Variants in UBAC2 observed in about 807,000 individuals in gnomAD.
UBAC2 encodes ubiquitin-associated domain-containing protein 2.
Under a neutral mutation model 44.0 loss-of-function variants are expected in UBAC2, and 26 were observed. That is an observed-to-expected ratio of 0.59 (90% CI 0.43 to 0.82). UBAC2 has a LOEUF of 0.82. Among genes scored for constraint, UBAC2 ranks in the 40% least tolerant of loss-of-function variants. UBAC2 has a pLI of 0.00. For missense variants in UBAC2, 329 were observed against 419.4 expected (o/e 0.78, Z 1.88); for synonymous variants, 155 against 154.3 (o/e 1.00, Z -0.04).
intron 4 of UBAC2, chr13:99,254,638 C>T: frequency 2.5e-6 from 1 of 398,704 alleles, no homozygotes; most frequent in Non-Finnish European, 4.5e-6. Flanking sequence ...GTGTCGCTTG[C>T]ACATAGAAAT....
At chr13:99,304,729 GAA>G (rs138228577) in intron 4 of UBAC2, among the ~76,000 whole-genome samples, 2,181 of 152,312 alleles carry the variant, frequency 0.014, 50 homozygotes, top group African/African-American at 0.051. Flanking sequence ...GACAGAAGGT[GAA>G]ACGGAGGCAC....
chr13:99,336,034 G>C (rs2044784467), intron 6 of UBAC2, among the ~76,000 whole-genome samples: 2 of 151,888 alleles, frequency 1.3e-5, no homozygotes, highest in Non-Finnish European at 2.9e-5. Flanking sequence ...GGATGTTAGA[G>C]GAGCTTTACA....
chr13:99,326,976 G>C (rs1335540827), intron 6 of UBAC2, among the ~76,000 whole-genome samples: 1 of 152,162 alleles, frequency 6.6e-6, no homozygotes, highest in Non-Finnish European at 1.5e-5. Context: ...GCAGCCTTCT[G>C]TGTGCTGACC....
At chr13:99,379,615 A>G (rs2045524469) in intron 8 of UBAC2, among the ~76,000 whole-genome samples, 1 of 152,126 alleles carries the variant, frequency 6.6e-6, no homozygotes, top group South Asian at 2.1e-4. Context: ...CATGATCAGG[A>G]TCTTCATTTT....
chr13:99,291,680 A>G (rs2044090715), intron 4 of UBAC2, among the ~76,000 whole-genome samples: 1 of 152,158 alleles, frequency 6.6e-6, no homozygotes, highest in African/African-American at 2.4e-5. Context: ...AATGTGTCTA[A>G]TTTAAATTAC....
rs552127798 is a variant in UBAC2 at position 99,268,653 on chromosome 13, A to C, written c.389+24029A>C. Among the ~76,000 whole-genome samples, 4 of 151,700 alleles carry C rather than the reference A, an allele frequency of 2.6e-5. No homozygotes were observed. The East Asian group carries it at 7.7e-4, about 29-fold the overall frequency. On this transcript the variant is annotated intron_variant, in intron 4 of 8. Coordinates refer to ENST00000403766, the MANE Select transcript of UBAC2 (RefSeq NM_001144072.2). ...AAAAAAAGAAACACAAAAGGTAAAG[A>C]AGGTAAGAGAGAGAACATTAGGTCT... is the stretch of plus-strand genomic sequence containing the variant.
chr13:99,378,141 T>A (rs1365335709), intron 8 of UBAC2, among the ~76,000 whole-genome samples: 1 of 152,224 alleles, frequency 6.6e-6, no homozygotes, highest in Non-Finnish European at 1.5e-5. Flanking sequence ...CCATCATCAC[T>A]GTTGTCACAG....
At chr13:99,356,139 T>C (rs764377396) in intron 7 of UBAC2, 1 of 534,544 alleles carries the variant, frequency 1.9e-6, no homozygotes, top group Non-Finnish European at 3.8e-6. Flanking sequence ...CTGTACACAG[T>C]AGAAGCATCC....
chr13:99,273,489 A>G (rs1317737454), intron 4 of UBAC2, among the ~76,000 whole-genome samples: 1 of 152,152 alleles, frequency 6.6e-6, no homozygotes, highest in Non-Finnish European at 1.5e-5. Context: ...CGGTTTCTTT[A>G]TATGGTAGTT....
chr13:99,277,289 G>A (rs1318608192), intron 4 of UBAC2, among the ~76,000 whole-genome samples: 1 of 152,184 alleles, frequency 6.6e-6, no homozygotes, highest in Non-Finnish European at 1.5e-5. Flanking sequence ...ACTTTGGGAG[G>A]CCGAGGCAGG....
chr13:99,281,877 G>A (rs376565110), intron 4 of UBAC2, among the ~76,000 whole-genome samples: 3 of 152,252 alleles, frequency 2.0e-5, no homozygotes, highest in South Asian at 4.2e-4. Context: ...TTCAAACTGC[G>A]GTCTCAGTGG....
intron 4 of UBAC2, among the ~76,000 whole-genome samples, chr13:99,272,526 AAATT>A (rs2043829117): frequency 6.6e-6 from 1 of 152,166 alleles, no homozygotes; most frequent in African/African-American, 2.4e-5. Flanking sequence ...GCTTACACAG[AAATT>A]TATTTTCTCA....
intron 4 of UBAC2, among the ~76,000 whole-genome samples, chr13:99,247,436 G>A (rs1383448153): frequency 1.3e-5 from 2 of 150,578 alleles, no homozygotes; most frequent in African/African-American, 2.4e-5. Context: ...GGATGGTCTC[G>A]ATCTCCTGAC....
rs780106883 is a variant in UBAC2, at chr13:99,204,663, G to A, written c.31+3724G>A. Among the ~76,000 whole-genome samples, 3 of 151,726 alleles carry A rather than the reference G, an allele frequency of 2.0e-5. No homozygotes were observed. The South Asian group carries it at 6.2e-4, about 31-fold the overall frequency. ...TACACGCTGCAGAGATTTTCAAAAC[G>A]GGCCTGAAGCGCGACCTGTGGGAAA... On this transcript the variant is annotated intron_variant, in intron 1 of 8. Coordinates refer to ENST00000403766, the MANE Select transcript of UBAC2 (RefSeq NM_001144072.2).
chr13:99,367,743 C>T lies in UBAC2; in HGVS notation c.808-44C>T, dbSNP rs2045349726. 3 of 1,612,904 alleles carry T rather than the reference C, an allele frequency of 1.9e-6. No homozygotes were observed. The South Asian group carries it at 3.3e-5, about 18-fold the overall frequency. ...AGCTCTTCCAAGCATTATGATGATT[C>T]TGCTCCTTCTGTGTCTGATAACTGT... On this transcript the variant is annotated intron_variant, in intron 7 of 8. Coordinates refer to ENST00000403766, the MANE Select transcript of UBAC2 (RefSeq NM_001144072.2).
At chr13:99,276,172 G>A (rs1055364922) in intron 4 of UBAC2, among the ~76,000 whole-genome samples, 4 of 152,136 alleles carry the variant, frequency 2.6e-5, no homozygotes, top group Admixed American at 6.5e-5. Context: ...GTTTTCCAAC[G>A]CTAACAAGTA....
intron 4 of UBAC2, among the ~76,000 whole-genome samples, chr13:99,275,049 A>G (rs767364485): frequency 6.6e-6 from 1 of 152,192 alleles, no homozygotes; most frequent in Non-Finnish European, 1.5e-5. Context: ...TTTGTTGCAT[A>G]TATGTATGCA....
chr13:99,297,397 G>C (rs2044192974), intron 4 of UBAC2, among the ~76,000 whole-genome samples: 1 of 152,132 alleles, frequency 6.6e-6, no homozygotes, highest in African/African-American at 2.4e-5. Flanking sequence ...GAACTATACA[G>C]TATTTCCTTA....
chr13:99,202,275 C>T (rs2042813414), intron 1 of UBAC2, among the ~76,000 whole-genome samples: 2 of 152,100 alleles, frequency 1.3e-5, no homozygotes, highest in Admixed American at 6.5e-5. Flanking sequence ...TGATTTATGG[C>T]ATCTTTCATG....
Sources: gnomAD v4.1 joint callset for allele counts (sites outside exome capture counted in the v4.1 genomes callset) on GRCh38, gnomAD v4.1.1 for gene constraint, MANE v1.5 for transcripts, NCBI Gene and HGNC (gene_info 2026-07-23, HGNC 2026-07-21) for gene names.